Variants in RAPGEF4 observed in about 807,000 individuals in gnomAD.
The protein encoded by RAPGEF4 is RAP guanine-nucleotide-exchange factor (GEF) 4.
In RAPGEF4, 66 loss-of-function variants were observed where a neutral mutation model predicts 147.9. That is an observed-to-expected ratio of 0.45 (90% confidence interval 0.37 to 0.55). The LOEUF is 0.55. Among genes scored for constraint, RAPGEF4 ranks in the 20% least tolerant of loss-of-function variants. The pLI is 0.00. For synonymous variants in RAPGEF4, 419 were observed against 442.7 expected, an observed-to-expected ratio of 0.95 and a Z score of 0.67; for missense variants, 1,071 against 1,257.3, an observed-to-expected ratio of 0.85 and a Z score of 2.24.
At chr2:172,836,441 A>G (rs1195353190) in intron 4 of RAPGEF4, among the ~76,000 whole-genome samples, 1 of 151,934 alleles carries the variant, frequency 6.6e-6, no homozygotes, top group Non-Finnish European at 1.5e-5. Context: ...TCCTAGAGCA[A>G]CCTCATAGCC....
intron 6 of RAPGEF4, among the ~76,000 whole-genome samples, chr2:172,932,294 C>T (rs1340808571): frequency 6.6e-6 from 1 of 152,200 alleles, no homozygotes; most frequent in Admixed American, 6.5e-5. Context: ...CTTCCATTCT[C>T]ACATATTGTT....
At chr2:172,913,638 A>T (rs1222366147) in intron 4 of RAPGEF4, among the ~76,000 whole-genome samples, 5 of 152,034 alleles carry the variant, frequency 3.3e-5, no homozygotes, top group Admixed American at 2.0e-4. Context: ...TATTTTCTCT[A>T]ACTCCTTCCT....
chr2:172,994,187 C>G (rs1404885402), intron 15 of RAPGEF4, among the ~76,000 whole-genome samples: 2 of 152,168 alleles, frequency 1.3e-5, no homozygotes, highest in Non-Finnish European at 2.9e-5. Flanking sequence ...GGTTTTCCCC[C>G]CATTCAGTTT....
intron 25 of RAPGEF4, among the ~76,000 whole-genome samples, chr2:173,027,593 G>C (rs1224585769): frequency 6.6e-6 from 1 of 152,154 alleles, no homozygotes; most frequent in Non-Finnish European, 1.5e-5. Context: ...AAGTTCAGTT[G>C]AAAAGATCTT....
At chr2:172,736,410 A>G (rs1055996784) in intron 1 of RAPGEF4, among the ~76,000 whole-genome samples, 1 of 152,146 alleles carries the variant, frequency 6.6e-6, no homozygotes, top group African/African-American at 2.4e-5. Flanking sequence ...CTTTCCGGCT[A>G]TTCAGACCTT....
chr2:173,003,664 T>A (rs1402585336), intron 17 of RAPGEF4, among the ~76,000 whole-genome samples: 1 of 151,764 alleles, frequency 6.6e-6, no homozygotes, highest in East Asian at 1.9e-4. Flanking sequence ...AATAGCTGAG[T>A]TCTCCAGATG....
chr2:172,851,137 T>A (rs567691811), intron 4 of RAPGEF4, among the ~76,000 whole-genome samples: 45 of 152,250 alleles, frequency 3.0e-4, no homozygotes, highest in Non-Finnish European at 5.4e-4. Flanking sequence ...TTCTGGTATG[T>A]TGTATCTTTG....
At chr2:172,837,929 C>G (rs1361655424) in intron 4 of RAPGEF4, among the ~76,000 whole-genome samples, 1 of 152,104 alleles carries the variant, frequency 6.6e-6, no homozygotes, top group Admixed American at 6.5e-5. Flanking sequence ...CCATTCTCAC[C>G]AACACTTAGG....
At chr2:172,963,802 G>C (rs572025748) in intron 8 of RAPGEF4, among the ~76,000 whole-genome samples, 1 of 152,132 alleles carries the variant, frequency 6.6e-6, no homozygotes, top group East Asian at 1.9e-4. Flanking sequence ...CACAGTATTC[G>C]GGGGCTGAAG....
chr2:172,940,749 A>G (rs529000275), intron 6 of RAPGEF4, among the ~76,000 whole-genome samples: 10 of 152,310 alleles, frequency 6.6e-5, no homozygotes, highest in East Asian at 1.9e-4. Flanking sequence ...CAGTTTGTCT[A>G]TATATCTACA....
At chr2:172,871,041 G>A (rs1417329453) in intron 4 of RAPGEF4, among the ~76,000 whole-genome samples, 1 of 152,106 alleles carries the variant, frequency 6.6e-6, no homozygotes, top group East Asian at 1.9e-4. Context: ...GTTTAAATGT[G>A]GCTTTTCCAG....
chr2:172,831,562 C>T (rs187394318), intron 4 of RAPGEF4, among the ~76,000 whole-genome samples: 116 of 151,980 alleles, frequency 7.6e-4, no homozygotes, highest in Non-Finnish European at 1.4e-3. Context: ...AGCCACCGTG[C>T]CTGGCCCAGA....
intron 10 of RAPGEF4, among the ~76,000 whole-genome samples, chr2:172,982,519 A>G (rs1691793241): frequency 6.6e-6 from 1 of 152,222 alleles, no homozygotes; most frequent in African/African-American, 2.4e-5. Context: ...AGAAAGCAAC[A>G]AAAAATTCAA....
intron 15 of RAPGEF4, among the ~76,000 whole-genome samples, chr2:172,995,248 TG>T (rs1693222118): frequency 6.5e-4 from 2 of 3,066 alleles, no homozygotes; most frequent in Non-Finnish European, 0.015. Context: ...TGCCTGTTTG[TG>T]TGTGTGTGTG....
intron 23 of RAPGEF4, among the ~76,000 whole-genome samples, chr2:173,021,436 C>A (rs1174639608): frequency 6.6e-6 from 1 of 152,164 alleles, no homozygotes; most frequent in Non-Finnish European, 1.5e-5. Context: ...TTAAGAAAGG[C>A]ACAAGACCGA....
chr2:172,934,840 T>G (rs1686383752), intron 6 of RAPGEF4, among the ~76,000 whole-genome samples: 1 of 152,036 alleles, frequency 6.6e-6, no homozygotes, highest in African/African-American at 2.4e-5. Context: ...AACTCCAGAC[T>G]TCTAAGTTAC....
At chr2:172,753,140 T>TA (rs1695445081) in intron 1 of RAPGEF4, among the ~76,000 whole-genome samples, 1 of 152,112 alleles carries the variant, frequency 6.6e-6, no homozygotes, top group Admixed American at 6.6e-5. Flanking sequence ...CTTACAGGAA[T>TA]AAAAAATGGA....
chr2:172,751,131 G>C (rs542229493), intron 1 of RAPGEF4, among the ~76,000 whole-genome samples: 1 of 152,194 alleles, frequency 6.6e-6, no homozygotes, highest in South Asian at 2.1e-4. Context: ...GCCTCATACT[G>C]TCTTCCATCT....
intron 6 of RAPGEF4, among the ~76,000 whole-genome samples, chr2:172,944,070 A>G (rs1687434409): frequency 6.6e-6 from 1 of 152,204 alleles, no homozygotes; most frequent in Non-Finnish European, 1.5e-5. Flanking sequence ...ATACATAGAT[A>G]TTAAATCACA....
Sources: gnomAD v4.1 joint callset for allele counts (sites outside exome capture counted in the v4.1 genomes callset) on GRCh38, gnomAD v4.1.1 for gene constraint, MANE v1.5 for transcripts, NCBI Gene and HGNC (gene_info 2026-07-23, HGNC 2026-07-21) for gene names.